The following ZZEF1 variants were observed in gnomAD, a reference collection of about 807,000 sequenced individuals.
ZZEF1 encodes zinc finger ZZ-type and EF-hand domain-containing protein 1.
In ZZEF1, 157 loss-of-function variants were observed where a neutral mutation model predicts 342.8. The observed-to-expected ratio is 0.46, with a 90% CI of 0.40 to 0.52. The LOEUF is 0.52. Ranked by LOEUF, ZZEF1 falls within the 20% of genes least tolerant of loss-of-function variation. The pLI is 0.00. For missense variants in ZZEF1, 3,480 were observed against 3,725.6 expected, an observed-to-expected ratio of 0.93 and a Z score of 1.72; for synonymous variants, 1,505 against 1,429.1, an observed-to-expected ratio of 1.05 and a Z score of -1.20.
chr17:4,055,312 C>T (rs1389399193), intron 33 of ZZEF1, among the ~76,000 whole-genome samples: 1 of 152,204 alleles, frequency 6.6e-6, no homozygotes, highest in Non-Finnish European at 1.5e-5. Context: ...CATCCAAGCA[C>T]CACAGTGGTG....
At position 4,142,793 on chromosome 17, in the gene ZZEF1, G is replaced by C; in HGVS notation, c.103C>G (p.Pro35Ala). ...QDWAAVSGTT[P>A]GPGVAAPALP... is the part of the protein sequence containing the mutation. ...GCTGGAGCCGCGACGCCCGGGCCGG[G>C]GGTCGTGCCCGAGACCGCGGCCCAG... is the stretch of plus-strand genomic sequence containing the variant. The change falls in exon 1 of 55, where the codon CCC (proline) becomes GCC (alanine). Residue 35 changes from proline to alanine, a missense_variant. Around this residue, in one of 5 missense-constraint regions of ZZEF1, gnomAD observed 416 missense variants for 374.2 expected, o/e 1.11. Transcript: ENST00000381638. 1.4e-6 allele frequency: 2 copies of C among 1,413,678 alleles called. No individual in the cohort carries two copies. The highest frequency in any genetic ancestry group is 1.8e-6 in the Non-Finnish European group (2 of 1,095,892). 87.6% of individuals were successfully genotyped at this position (1,413,678 alleles called of 1,614,324 possible). A position where few individuals can be genotyped will look rare whatever the true frequency, so the allele number is the denominator to read the frequency against.
intron 2 of ZZEF1, 102 bp downstream of exon 2, chr17:4,123,805 T>TG (rs1177598179): frequency 1.5e-5 from 20 of 1,335,338 alleles, no homozygotes; most frequent in Non-Finnish European, 2.1e-5. Context: ...TGAACACTGT[T>TG]GGGGGAGTTT....
intron 4 of ZZEF1, among the ~76,000 whole-genome samples, chr17:4,113,133 G>T (rs763973372): frequency 3.3e-5 from 5 of 152,184 alleles, no homozygotes. Flanking sequence ...AAAAAACTGA[G>T]TATACTCTCT....
chr17:4,084,389 G>A (rs2057780751), intron 16 of ZZEF1, among the ~76,000 whole-genome samples: 1 of 151,172 alleles, frequency 6.6e-6, no homozygotes, highest in Non-Finnish European at 1.5e-5. Flanking sequence ...CCATAATTTT[G>A]TTTATATGTT....
At chr17:4,090,871 A>G in intron 11 of ZZEF1, 41 bp from the exon 12 acceptor site, 1 of 1,511,910 alleles carries the variant, frequency 6.6e-7, no homozygotes, top group Non-Finnish European at 9.2e-7. Context: ...TTATTTTGAA[A>G]CTTCTCAAGG....
At position 4,034,245 on chromosome 17, in the gene ZZEF1, C is replaced by T. The variant is rs1567779813; in HGVS notation, c.6354G>A (p.Met2118Ile). 1.2e-6 allele frequency: 2 copies of T among 1,614,198 alleles called. No individual in the cohort carries two copies. Among genetic ancestry groups the T allele is most frequent in the Admixed American group, 1.7e-5 (1 of 60,022 alleles). Residue 2118 changes from methionine to isoleucine, a missense_variant, in exon 40 of 55, where the codon ATG (methionine) becomes ATA (isoleucine). By Grantham distance (10) the Met-to-Ile change is conservative. This residue lies in a region of ZZEF1 where 1,269 missense variants were observed against 1,342.4 expected (regional missense o/e 0.95). Coordinates refer to ENST00000381638, the MANE Select transcript of ZZEF1 (RefSeq NM_015113.4). ...LIDLEHVLPL[M>I]FQVVISNAGH... ...CTGCGTTTGAGATGACAACCTGAAA[C>T]ATGAGTGGAAGGACGTGCTCCAGGT...
At position 4,122,229 on chromosome 17, in the gene ZZEF1, A is replaced by G. The variant is rs116334438; in HGVS notation, c.499+1678T>C. Among the ~76,000 whole-genome samples, 1,288 of 152,222 alleles carry G rather than the reference A, an allele frequency of 8.5e-3. 16 individuals carry two copies. The highest frequency in any genetic ancestry group is 0.03 in the African/African-American group (1,229 of 41,514). On this transcript the variant is annotated intron_variant, in intron 2 of 54. Transcript: ENST00000381638. ...AAACGCTGAGGTAAAGTAAACCAAG[A>G]CCGAAAGGAAAATGTACAAAGTTTC...
chr17:4,023,014 G>A (rs1453173709), intron 43 of ZZEF1, among the ~76,000 whole-genome samples, 186 bp from the exon 44 acceptor site: 1 of 152,034 alleles, frequency 6.6e-6, no homozygotes, highest in African/African-American at 2.4e-5. Context: ...GGCTCTTTAG[G>A]CTAAAATCCA....
At chr17:4,117,193 G>A (rs746568712) in intron 2 of ZZEF1, 27 bp from the exon 3 acceptor site, 86 of 1,583,644 alleles carry the variant, frequency 5.4e-5, no homozygotes, top group Non-Finnish European at 6.5e-5. Flanking sequence ...CATTTTTGGT[G>A]TTTTGGGGAA....
chr17:4,077,196 A>AT (rs72386625), intron 19 of ZZEF1, among the ~76,000 whole-genome samples: 23,609 of 151,422 alleles, frequency 0.16, 2,032 homozygotes, highest in African/African-American at 0.23. Flanking sequence ...TTTTAAAGGG[A>AT]TTTTTTTTTG....
intron 42 of ZZEF1, among the ~76,000 whole-genome samples, chr17:4,026,238 G>A (rs2145013719): frequency 6.6e-6 from 1 of 152,306 alleles, no homozygotes; most frequent in South Asian, 2.1e-4. Flanking sequence ...GAGAGTGGAA[G>A]TGTCCTAGTG....
chr17:4,025,130 C>T lies in ZZEF1; in HGVS notation c.6893-12G>A. On this transcript the variant is annotated splice_polypyrimidine_tract_variant and intron_variant, in intron 42 of 54. Coordinates refer to ENST00000381638, the MANE Select transcript of ZZEF1 (RefSeq NM_015113.4). Reference sequence around the variant, plus strand: ...CTGGTAGTCCTTCACTGAAGGGTGACATCAGGCAGAAAAAGAAAGGCACAA... The same window carrying T: ...CTGGTAGTCCTTCACTGAAGGGTGATATCAGGCAGAAAAAGAAAGGCACAA... The T allele has an allele frequency of 1.2e-6, 2 of 1,613,478 alleles. No individual in the cohort carries two copies. The highest frequency in any genetic ancestry group is 1.7e-6 in the Non-Finnish European group (2 of 1,179,676).
chr17:4,137,888 C>G (rs1460257122), intron 1 of ZZEF1, among the ~76,000 whole-genome samples: 1 of 152,210 alleles, frequency 6.6e-6, no homozygotes, highest in Non-Finnish European at 1.5e-5. Flanking sequence ...GTGGTGCTGA[C>G]CAGGTGACAG....
At chr17:4,114,004 A>C (rs1287097619) in intron 4 of ZZEF1, among the ~76,000 whole-genome samples, 2 of 152,206 alleles carry the variant, frequency 1.3e-5, no homozygotes, top group Admixed American at 1.3e-4. Context: ...AGGATATTTC[A>C]AAATACAGTC....
intron 45 of ZZEF1, among the ~76,000 whole-genome samples, chr17:4,020,488 G>A (rs1430442582): frequency 2.0e-5 from 3 of 152,040 alleles, no homozygotes; most frequent in South Asian, 4.2e-4. Flanking sequence ...GACTACAGGC[G>A]CATGCCACAC....
At chr17:4,133,336 G>A (rs1463255098) in intron 1 of ZZEF1, among the ~76,000 whole-genome samples, 1 of 152,106 alleles carries the variant, frequency 6.6e-6, no homozygotes. Context: ...CAGGTACCTT[G>A]CCTGAGGTCA....
Position 4,049,694 on chromosome 17 carries a change from G to T in ZZEF1, c.6015+14C>A, listed in dbSNP as rs962373212. The T allele has an allele frequency of 1.2e-6, 2 of 1,613,880 alleles. No individual in the cohort carries two copies. The highest frequency in any genetic ancestry group is 2.7e-5 in the African/African-American group (2 of 75,016). ...TCAACCTGTGATTCTGTGTAGTAAA[G>T]AATCGTCATTTACATTGCCTGCTTC... On this transcript the variant is annotated intron_variant, in intron 37 of 54. Coordinates refer to ENST00000381638, the MANE Select transcript of ZZEF1 (RefSeq NM_015113.4).
rs757297063 is a variant in ZZEF1, at chr17:4,013,519, G to A, written c.8509C>T (p.Arg2837Cys). The change falls in exon 52 of 55, where the codon CGC becomes TGC. Residue 2837 changes from arginine (R) to cysteine (C), a missense_variant. This residue lies in a region of ZZEF1 where 1,269 missense variants were observed against 1,342.4 expected (regional missense o/e 0.95). Transcript: ENST00000381638. ...TTTAATCGTTGATGGCCAGTCTGGC[G>A]ACAGGCCACGCCCACCAGCCATTCC... ...IWEWLVGVAC[R>C]QTGHQRLKAI... is the part of the protein sequence containing the mutation. 74 of 1,613,978 alleles carry A rather than the reference G, an allele frequency of 4.6e-5. No individual in the cohort carries two copies. The highest frequency in any genetic ancestry group is 1.5e-4 in the Admixed American group (9 of 59,984).
chr17:4,047,837 A>C (rs1006022543), intron 37 of ZZEF1, among the ~76,000 whole-genome samples: 1 of 148,376 alleles, frequency 6.7e-6, no homozygotes, highest in African/African-American at 2.5e-5. Context: ...GTTACTTGAG[A>C]GGCTGAGGTA....
Sources: gnomAD v4.1 joint callset for allele counts (sites outside exome capture counted in the v4.1 genomes callset) on GRCh38, gnomAD v4.1.1 for gene constraint, gnomAD v4.1.1 regional missense constraint, MANE v1.5 for transcripts, NCBI Gene and HGNC (gene_info 2026-07-23, HGNC 2026-07-21) for gene names.